SLC25A48: variants seen among roughly 807,000 people sequenced by gnomAD.
SLC25A48 encodes the protein solute carrier family 25 member 48.
Under a neutral mutation model 32.2 loss-of-function variants are expected in SLC25A48, and 29 were observed. The ratio of observed to expected loss-of-function variants is 0.90; its 90% CI spans 0.67 to 1.23. The LOEUF is 1.23. SLC25A48 is among the 50% of genes most tolerant of loss of function. The probability of loss-of-function intolerance (pLI) is 0.00; values close to 1 mark genes in which losing one functional copy is unlikely to be tolerated. For missense variants in SLC25A48, 399 were observed against 422.7 expected (o/e 0.94, Z 0.49); for synonymous variants, 164 against 172.3 (o/e 0.95, Z 0.38).
intron 1 of SLC25A48, among the ~76,000 whole-genome samples, chr5:135,592,093 C>T (rs1225369150): frequency 6.6e-6 from 1 of 152,198 alleles, no homozygotes; most frequent in East Asian, 1.9e-4. Context: ...AGTTAGAGGA[C>T]TGACTGGCCC....
chr5:135,635,694 C>A (rs554902252), intron 3 of SLC25A48, among the ~76,000 whole-genome samples: 1 of 152,236 alleles, frequency 6.6e-6, no homozygotes, highest in South Asian at 2.1e-4. Context: ...ATAGTCCCAC[C>A]ACGGCTGGTT....
At chr5:135,850,246 G>C (rs1270794635) in intron 2 of SLC25A48, among the ~76,000 whole-genome samples, 179 bp from the exon 3 acceptor site, 1 of 152,234 alleles carries the variant, frequency 6.6e-6, no homozygotes, top group East Asian at 1.9e-4. Context: ...GAGTCTGAAT[G>C]GGACATTAGA....
chr5:135,676,084 A>G (rs1461820376), intron 3 of SLC25A48, among the ~76,000 whole-genome samples: 1 of 151,896 alleles, frequency 6.6e-6, no homozygotes, highest in Non-Finnish European at 1.5e-5. Flanking sequence ...AATTTATTAC[A>G]TCTAAGAGTT....
chr5:135,880,240 C>A (rs1762368731), intron 7 of SLC25A48, 143 bp downstream of exon 7: 2 of 1,215,718 alleles, frequency 1.6e-6, no homozygotes, highest in South Asian at 1.7e-5. Context: ...GGCTGCCACC[C>A]TTTTCGTCAC....
chr5:135,700,371 C>CAAAAAAAAAAAAAAAAAAAAAAA (rs34125451), intron 3 of SLC25A48, among the ~76,000 whole-genome samples: 2 of 67,950 alleles, frequency 2.9e-5, no homozygotes, highest in Non-Finnish European at 5.0e-5. Flanking sequence ...GACTCTGTCT[C>CAAAAAAAAAAAAAAAAAAAAAAA]AAAAAAAAAA....
At chr5:135,842,321 T>C (rs1233304194) in intron 1 of SLC25A48, 95 bp from the exon 2 acceptor site, 30 of 1,329,954 alleles carry the variant, frequency 2.3e-5, no homozygotes, top group Non-Finnish European at 2.9e-5. Flanking sequence ...CAATTGACCG[T>C]TGACTAAACA....
intron 3 of SLC25A48, among the ~76,000 whole-genome samples, chr5:135,692,340 G>C (rs1166257124): frequency 6.8e-6 from 1 of 146,014 alleles, no homozygotes; most frequent in African/African-American, 2.5e-5. Context: ...AAAAAAGGTA[G>C]TCAGTAGCTC....
intron 3 of SLC25A48, among the ~76,000 whole-genome samples, chr5:135,656,678 G>T (rs1374755471): frequency 2.6e-5 from 4 of 152,174 alleles, no homozygotes; most frequent in Admixed American, 2.6e-4. Flanking sequence ...TTATCCTGGA[G>T]TATGGCAGGC....
chr5:135,851,571 CGT>C (rs147319534), intron 3 of SLC25A48, among the ~76,000 whole-genome samples: 3 of 147,998 alleles, frequency 2.0e-5, no homozygotes, highest in Admixed American at 6.8e-5. Flanking sequence ...GGTGTGTTCA[CGT>C]GTGTGTGTGT....
At chr5:135,794,616 G>T (rs55798589) in intron 3 of SLC25A48, among the ~76,000 whole-genome samples, 1 of 150,760 alleles carries the variant, frequency 6.6e-6, no homozygotes, top group Non-Finnish European at 1.5e-5. Flanking sequence ...ATATTTAGGT[G>T]GAGAGAGAAT....
At chr5:135,778,455 C>T (rs73789158) in intron 3 of SLC25A48, among the ~76,000 whole-genome samples, 6,457 of 151,672 alleles carry the variant, frequency 0.043, 276 homozygotes, top group African/African-American at 0.11. Context: ...CCACCCCACC[C>T]CGTCCCCCCG....
chr5:135,673,112 G>GT (rs751413513), intron 3 of SLC25A48, among the ~76,000 whole-genome samples: 20 of 152,224 alleles, frequency 1.3e-4, no homozygotes, highest in Admixed American at 3.9e-4. Flanking sequence ...ATCACAATGT[G>GT]TTTTTTAATT....
intron 3 of SLC25A48, among the ~76,000 whole-genome samples, chr5:135,685,223 A>G (rs1753991865): frequency 6.6e-6 from 1 of 151,454 alleles, no homozygotes; most frequent in Non-Finnish European, 1.5e-5. Flanking sequence ...AAACTTTTTG[A>G]TTATAGCCTT....
intron 7 of SLC25A48, among the ~76,000 whole-genome samples, chr5:135,885,033 T>C (rs1397269939): frequency 6.6e-6 from 1 of 152,178 alleles, no homozygotes; most frequent in Non-Finnish European, 1.5e-5. Flanking sequence ...TCCCATTTGA[T>C]AATCTTCCTG....
chr5:135,775,302 AG>A (rs919842387), intron 3 of SLC25A48, among the ~76,000 whole-genome samples: 19 of 151,598 alleles, frequency 1.3e-4, no homozygotes, highest in Non-Finnish European at 2.2e-4. Flanking sequence ...TCTAACATAC[AG>A]GGGGGAAGAA....
rs1299816003 is a variant in SLC25A48, at chr5:135,879,940, C to T, written c.814-28C>T. 1.2e-5 allele frequency: 19 copies of T among 1,535,616 alleles called. No homozygotes were observed. In the African/African-American group the frequency reaches 1.8e-4, roughly 14 times the overall value. On this transcript the variant is annotated intron_variant, in intron 6 of 7. Coordinates refer to ENST00000681962, the MANE Select transcript of SLC25A48 (RefSeq NM_001349336.2). ...CCCTGCAGAGAGTGTGGGTCAGTCC[C>T]CTGCAATAACCTGGCCCCTGTGCAA...
chr5:135,661,076 A>C (rs900468155), intron 3 of SLC25A48, among the ~76,000 whole-genome samples: 1 of 152,190 alleles, frequency 6.6e-6, no homozygotes, highest in Non-Finnish European at 1.5e-5. Context: ...GCCCTAAAGG[A>C]AATGGGTGAG....
chr5:135,761,095 G>A (rs1756049054), intron 3 of SLC25A48, among the ~76,000 whole-genome samples: 1 of 152,152 alleles, frequency 6.6e-6, no homozygotes, highest in East Asian at 1.9e-4. Flanking sequence ...GAGCCCAGGA[G>A]TTCCAGACCA....
At chr5:135,861,052 A>C (rs1026050099) in intron 4 of SLC25A48, among the ~76,000 whole-genome samples, 2 of 152,184 alleles carry the variant, frequency 1.3e-5, no homozygotes, top group Admixed American at 1.3e-4. Context: ...GCTACAGAAC[A>C]TTGAAAGTAG....
Sources: gnomAD v4.1 joint callset for allele counts (sites outside exome capture counted in the v4.1 genomes callset) on GRCh38, gnomAD v4.1.1 for gene constraint, MANE v1.5 for transcripts, NCBI Gene and HGNC (gene_info 2026-07-23, HGNC 2026-07-21) for gene names.